Variants in GON4L observed in about 807,000 individuals in gnomAD.
GON4L encodes gon-4 like, also known as GON-4-like protein.
GON4L carries 87 observed loss-of-function variants against 211.8 expected under a neutral mutation model. The ratio of observed to expected loss-of-function variants is 0.41; its 90% CI spans 0.35 to 0.49. GON4L has a LOEUF of 0.49. Among genes scored for constraint, GON4L ranks in the 20% least tolerant of loss-of-function variants. The pLI is 0.15. For synonymous variants in GON4L, 875 were observed against 962.6 expected, an observed-to-expected ratio of 0.91 and a Z score of 1.68; for missense variants, 2,155 against 2,659.5, an observed-to-expected ratio of 0.81 and a Z score of 4.17.
chr1:155,808,576 C>T (rs1040025210), intron 10 of GON4L, among the ~76,000 whole-genome samples: 1 of 152,104 alleles, frequency 6.6e-6, no homozygotes, highest in Non-Finnish European at 1.5e-5. Flanking sequence ...TGCCTGGCTT[C>T]CTCTCATTCG....
chr1:155,829,543 T>C (rs973449230), intron 2 of GON4L, among the ~76,000 whole-genome samples: 33 of 151,976 alleles, frequency 2.2e-4, no homozygotes, highest in Non-Finnish European at 2.6e-4. Context: ...GAGGTTGCAG[T>C]GAGCCAAGGT....
At chr1:155,831,792 T>C (rs1669799874) in intron 2 of GON4L, among the ~76,000 whole-genome samples, 2 of 151,908 alleles carry the variant, frequency 1.3e-5, no homozygotes, top group African/African-American at 4.8e-5. Flanking sequence ...AGTTACTTGG[T>C]AGGATCAGTT....
At chr1:155,842,353 T>C (rs1004994340) in intron 2 of GON4L, among the ~76,000 whole-genome samples, 1 of 150,950 alleles carries the variant, frequency 6.6e-6, no homozygotes, top group African/African-American at 2.4e-5. Flanking sequence ...TGAAACCTCG[T>C]CTCTACTAAA....
rs1287004740 is a variant in GON4L, at chr1:155,765,589, G to A, written c.3884C>T (p.Thr1295Ile). ...CTCCAGAGCTTGCCTCCCCTCCTCTGTTTTCACAACGGTCCAGCGACAGGC... is the reference window on the plus strand; with the variant it reads ...CTCCAGAGCTTGCCTCCCCTCCTCTATTTTCACAACGGTCCAGCGACAGGC... Reference protein sequence around the residue: ...NSACRWTVVKTEEGRQALEPL... With the variant: ...NSACRWTVVKIEEGRQALEPL... The change falls in exon 21 of 32, where the codon ACA becomes ATA. Residue 1295 changes from threonine (T) to isoleucine (I), a missense_variant. Thr to Ile is a moderately conservative substitution (Grantham distance 89, BLOSUM62 -1). This residue lies in a region of GON4L where 615 missense variants were observed against 625.7 expected (regional missense o/e 0.98). Coordinates refer to ENST00000368331, the MANE Select transcript of GON4L (RefSeq NM_001282860.2). The A allele has an allele frequency of 4.3e-6, 7 of 1,614,144 alleles. No individual in the cohort carries two copies. The highest frequency in any genetic ancestry group is 5.9e-6 in the Non-Finnish European group (7 of 1,180,030).
chr1:155,754,273 T>TCAG (rs1553195239), intron 28 of GON4L, 102 bp downstream of exon 28: 1 of 786,780 alleles, frequency 1.3e-6, no homozygotes, highest in Admixed American at 1.7e-5. Flanking sequence ...TGAATGTTAT[T>TCAG]TATATATGTG....
chr1:155,768,854 G>A (rs1662853171), intron 19 of GON4L, among the ~76,000 whole-genome samples: 1 of 152,144 alleles, frequency 6.6e-6, no homozygotes, highest in African/African-American at 2.4e-5. Flanking sequence ...CTTAGAATTT[G>A]TCTAGTTTCA....
At chr1:155,820,058 C>T (rs1429815566) in intron 6 of GON4L, among the ~76,000 whole-genome samples, 2 of 152,144 alleles carry the variant, frequency 1.3e-5, no homozygotes, top group East Asian at 1.9e-4. Context: ...GGATTATAGG[C>T]GCACACCACC....
At chr1:155,807,786 TG>T (rs1455451238) in intron 10 of GON4L, among the ~76,000 whole-genome samples, 1 of 150,750 alleles carries the variant, frequency 6.6e-6, no homozygotes. Context: ...TTGGCTATTC[TG>T]GGCCTGTGCA....
At chr1:155,836,382 T>G (rs1415088296) in intron 2 of GON4L, among the ~76,000 whole-genome samples, 2 of 151,262 alleles carry the variant, frequency 1.3e-5, no homozygotes, top group Admixed American at 6.6e-5. Flanking sequence ...CCCGAGTAGC[T>G]GGGATGACAG....
chr1:155,798,123 AAT>A (rs200667170), intron 11 of GON4L, among the ~76,000 whole-genome samples: 1 of 144,166 alleles, frequency 6.9e-6, no homozygotes, highest in East Asian at 1.9e-4. Flanking sequence ...AATATATATA[AAT>A]ATATATATAC....
At chr1:155,787,485 G>T (rs1296970175) in intron 12 of GON4L, among the ~76,000 whole-genome samples, 1 of 152,070 alleles carries the variant, frequency 6.6e-6, no homozygotes, top group Non-Finnish European at 1.5e-5. Flanking sequence ...AAAAAATTAA[G>T]ATCCAGGCCA....
At chr1:155,754,519 AAGT>A in intron 27 of GON4L, 31 bp from the exon 28 acceptor site, 2 of 941,568 alleles carry the variant, frequency 2.1e-6, no homozygotes, top group Non-Finnish European at 3.3e-6. Flanking sequence ...ATTAGCTGCC[AAGT>A]TGTTTTTTTT....
chr1:155,820,689 A>G (rs1668649115), intron 5 of GON4L, 33 bp from the exon 6 acceptor site: 1 of 1,530,128 alleles, frequency 6.5e-7, no homozygotes, highest in Non-Finnish European at 9.1e-7. Context: ...GAAATCCTCA[A>G]TAAAAATCAC....
chr1:155,746,919 G>A, downstream of GON4L: 1 of 1,599,394 alleles, frequency 6.3e-7, no homozygotes, highest in Non-Finnish European at 8.5e-7. Context: ...ACAACCTGAG[G>A]GTCTCCATAG....
chr1:155,836,207 T>C (rs1337933842), intron 2 of GON4L, among the ~76,000 whole-genome samples: 1 of 151,678 alleles, frequency 6.6e-6, no homozygotes, highest in South Asian at 2.1e-4. Flanking sequence ...CACGAAAAGA[T>C]GAGTGTCCCC....
downstream of GON4L, chr1:155,747,018 G>C (rs544972619): frequency 2.0e-5 from 32 of 1,599,140 alleles, no homozygotes; most frequent in South Asian, 3.6e-4. Context: ...ACTGCGACTC[G>C]GTGAACAGAA....
chr1:155,760,694 C>A (rs1661698259), intron 23 of GON4L, 53 bp from the exon 24 acceptor site: 1 of 1,220,122 alleles, frequency 8.2e-7, no homozygotes, highest in Non-Finnish European at 1.2e-6. Context: ...CCACAACAAG[C>A]AATAAGGGTA....
rs752388079 is a variant in GON4L at position 155,822,413 on chromosome 1, C to T, written c.761G>A (p.Arg254Gln). ...RKKKKGTKRK[R>Q]DGRGQEGTLA... Reference sequence around the variant, plus strand: ...GGTCCCTTCTTGACCCCTTCCATCTCGTTTCCTCTTGGTACCCTTTTTCTT... The same window carrying T: ...GGTCCCTTCTTGACCCCTTCCATCTTGTTTCCTCTTGGTACCCTTTTTCTT... The change falls in exon 4 of 32, where the codon CGA becomes CAA. Residue 254 changes from arginine to glutamine, a missense_variant. Physicochemically the swap from Arg to Gln is conservative, Grantham distance 43. Around this residue, in one of 6 missense-constraint regions of GON4L, gnomAD observed 551 missense variants for 854.0 expected, o/e 0.65. Coordinates refer to ENST00000368331, the MANE Select transcript of GON4L (RefSeq NM_001282860.2). 4.3e-6 allele frequency: 7 copies of T among 1,613,846 alleles called. No homozygotes were observed. Among genetic ancestry groups the T allele is most frequent in the East Asian group, 2.2e-5 (1 of 44,880 alleles).
intron 4 of GON4L, 27 bp downstream of exon 4, chr1:155,822,259 T>G (rs749277082): frequency 4.4e-6 from 7 of 1,581,608 alleles, no homozygotes; most frequent in Non-Finnish European, 6.1e-6. Flanking sequence ...TCCCTTCCAT[T>G]TACATAACTG....
Sources: allele counts gnomAD v4.1 joint callset (sites outside exome capture counted in the v4.1 genomes callset), GRCh38; gene constraint gnomAD v4.1.1; regional missense constraint gnomAD v4.1.1; transcripts MANE v1.5; gene names NCBI Gene and HGNC (gene_info 2026-07-23, HGNC 2026-07-21).